The following BBS2 variants were observed in gnomAD, a reference collection of about 807,000 sequenced individuals.
BBS2 encodes Bardet-Biedl syndrome 2.
In BBS2, 62 loss-of-function variants were observed where a neutral mutation model predicts 83.0. The observed-to-expected ratio is 0.75, with a 90% confidence interval of 0.61 to 0.92. BBS2 has a LOEUF of 0.92. Among genes scored for constraint, BBS2 ranks in the 40% least tolerant of loss-of-function variants. The probability of loss-of-function intolerance (pLI) is 0.00; values close to 1 mark genes in which losing one functional copy is unlikely to be tolerated. For synonymous variants in BBS2, 303 were observed against 326.1 expected (o/e 0.93, Z 0.76); for missense variants, 784 against 901.0 (o/e 0.87, Z 1.66).
chr16:56,483,540 A>G (rs1012900153), downstream of BBS2, among the ~76,000 whole-genome samples: 8 of 152,306 alleles, frequency 5.3e-5, no homozygotes, highest in African/African-American at 1.9e-4. Context: ...ATCCTTACAT[A>G]ATAAATGAAA....
intron 17 of BBS2, chr16:56,476,361 C>A: frequency 3.7e-6 from 2 of 537,662 alleles, no homozygotes; most frequent in Non-Finnish European, 3.1e-6. Flanking sequence ...TGATTGTCCT[C>A]AACCGAGACC....
intron 1 of BBS2, among the ~76,000 whole-genome samples, chr16:56,517,991 A>G (rs138956347): frequency 0.011 from 1,615 of 151,966 alleles, 31 homozygotes; most frequent in African/African-American, 0.036. Flanking sequence ...TAATTTTTGT[A>G]TTTTTAGTAG....
chr16:56,498,585 A>G lies in BBS2; in HGVS notation c.1528-17T>C, dbSNP rs371950504. The G allele has an allele frequency of 6.2e-7, 1 of 1,613,960 alleles. No homozygotes were observed. Among genetic ancestry groups the G allele is most frequent in the Non-Finnish European group, 8.5e-7 (1 of 1,179,980 alleles). On this transcript the variant is annotated splice_polypyrimidine_tract_variant and intron_variant, in intron 12 of 16. Coordinates refer to ENST00000245157, the MANE Select transcript of BBS2 (RefSeq NM_031885.5). The stretch of plus-strand genomic sequence containing the variant: ...TACAACAACCTTGAAAATGAACACA[A>G]TGAAATGACCTCCATTTTTAAGGTA...
At chr16:56,501,281 CAA>C (rs150693766) in intron 10 of BBS2, 70 bp downstream of exon 10, 5,835 of 1,298,296 alleles carry the variant, frequency 4.5e-3, no homozygotes, top group Non-Finnish European at 5.0e-3. Flanking sequence ...GACTCTGTCT[CAA>C]AAAAAAAAAA....
intron 17 of BBS2, among the ~76,000 whole-genome samples, chr16:56,471,238 T>C (rs1400643424): frequency 6.6e-6 from 1 of 151,490 alleles, no homozygotes; most frequent in Non-Finnish European, 1.5e-5. Context: ...GGTGAACGCC[T>C]GTAATCCAAG....
At chr16:56,506,277 T>C (rs1028657823) in intron 5 of BBS2, 53 bp from the exon 6 acceptor site, 7 of 1,381,908 alleles carry the variant, frequency 5.1e-6, no homozygotes, top group Non-Finnish European at 7.2e-6. Context: ...CTCAGTTTAC[T>C]GTCAAGTACG....
intron 1 of BBS2, among the ~76,000 whole-genome samples, chr16:56,518,364 T>C (rs901552569): frequency 1.3e-5 from 2 of 152,340 alleles, no homozygotes; most frequent in African/African-American, 2.4e-5. Flanking sequence ...CACTTTCTAG[T>C]TGAGTGGCTC....
downstream of BBS2, among the ~76,000 whole-genome samples, chr16:56,482,754 C>A (rs1410070637): frequency 1.3e-5 from 2 of 152,104 alleles, no homozygotes; most frequent in Non-Finnish European, 1.5e-5. Context: ...CTGAAATCTA[C>A]GTTAGGGCGA....
In BBS2 at chr16:56,484,842, G is replaced by A. The variant is rs1176306793; in HGVS notation, c.2085C>T (p.Ile695=). 2 of 1,614,008 alleles carry A rather than the reference G, an allele frequency of 1.2e-6. No individual in the cohort carries two copies. The highest frequency in any genetic ancestry group is 1.7e-6 in the Non-Finnish European group (2 of 1,179,916). Residue 695 remains isoleucine (I), a synonymous_variant, in exon 17 of 17, where the codon ATC becomes ATT. Transcript: ENST00000245157. ...LRVGKPKNQV[I]TACRDAIRSN... ...TTCGAATTGCATCCCGACAAGCAGT[G>A]ATCACCTGGTTCTTTGGTTTTCCAA... is the stretch of plus-strand genomic sequence containing the variant.
Position 56,501,371 on chromosome 16 carries a change from G to GT in BBS2, c.1206dup (p.Arg403ThrfsTer6), listed in dbSNP as rs1964267396. The GT allele has an allele frequency of 1.9e-6, 3 of 1,614,010 alleles. No individual in the cohort carries two copies. Among genetic ancestry groups the GT allele is most frequent in the South Asian group, 1.1e-5 (1 of 91,068 alleles). On this transcript the variant is annotated frameshift_variant, in exon 10 of 17. Coordinates refer to ENST00000245157, the MANE Select transcript of BBS2 (RefSeq NM_031885.5). LOFTEE classifies it high-confidence loss of function. ...GTCTTACCATTAGAAGTGGAAATGC[G>GT]TAATTCTGTATGAGCAGTTTGGGTC...
intron 17 of BBS2, among the ~76,000 whole-genome samples, chr16:56,473,258 T>G (rs1280338843): frequency 2.6e-5 from 4 of 152,196 alleles, no homozygotes; most frequent in African/African-American, 9.7e-5. Context: ...GTATCTGCTT[T>G]CCAACATTGC....
At chr16:56,503,035 C>T (rs1392698531) in intron 7 of BBS2, among the ~76,000 whole-genome samples, 1 of 152,160 alleles carries the variant, frequency 6.6e-6, no homozygotes, top group Non-Finnish European at 1.5e-5. Context: ...AGCTGTTTTT[C>T]ATAGGCCTTC....
chr16:56,488,950 A>G (rs1367651659), intron 15 of BBS2, among the ~76,000 whole-genome samples: 1 of 152,166 alleles, frequency 6.6e-6, no homozygotes, highest in African/African-American at 2.4e-5. Context: ...AATGAAATTT[A>G]TATTTTCTTT....
chr16:56,519,305 T>C (rs1193022161), intron 1 of BBS2, among the ~76,000 whole-genome samples: 2 of 122,322 alleles, frequency 1.6e-5, no homozygotes, highest in Admixed American at 9.9e-5. Context: ...CACTCCAGCC[T>C]GGGCGACAGG....
In BBS2 at chr16:56,500,954, T is replaced by C. The variant is rs752065274; in HGVS notation, c.1297A>G (p.Ser433Gly). 8 of 1,614,030 alleles carry C rather than the reference T, an allele frequency of 5.0e-6. No homozygotes were observed. Among genetic ancestry groups the C allele is most frequent in the Non-Finnish European group, 6.8e-6 (8 of 1,180,008 alleles). Residue 433 changes from serine (S) to glycine (G), a missense_variant, in exon 11 of 17, where the codon AGC becomes GGC. Transcript: ENST00000245157. ...ATGGAACTGGAGAGGTTGTGAATGC[T>C]GGGATGTACCACGTGGCTTTCACCT... Reference protein sequence around the residue: ...FTGESHVVHPSIHNLSSSICI... With the variant: ...FTGESHVVHPGIHNLSSSICI...
chr16:56,499,725 T>C, intron 12 of BBS2, 53 bp downstream of exon 12: 1 of 1,610,208 alleles, frequency 6.2e-7, no homozygotes, highest in East Asian at 2.2e-5. Flanking sequence ...TGAAATAACA[T>C]CTAAAGGATT....
chr16:56,510,413 G>A (rs1163234496), intron 4 of BBS2, among the ~76,000 whole-genome samples: 5 of 152,194 alleles, frequency 3.3e-5, no homozygotes, highest in East Asian at 3.9e-4. Context: ...AACACAGCAC[G>A]TCACACCTAC....
At chr16:56,491,604 C>T (rs2144113801) in intron 15 of BBS2, among the ~76,000 whole-genome samples, 2 of 151,586 alleles carry the variant, frequency 1.3e-5, no homozygotes, top group South Asian at 4.2e-4. Context: ...TGGACTACAA[C>T]AGTACCTGAT....
At chr16:56,513,813 G>A (rs573582257) in intron 2 of BBS2, among the ~76,000 whole-genome samples, 157 of 152,270 alleles carry the variant, frequency 1.0e-3, no homozygotes, top group Middle Eastern at 6.8e-3. Context: ...CCACTGAATT[G>A]TATACTTTAA....
Sources: allele counts gnomAD v4.1 joint callset (sites outside exome capture counted in the v4.1 genomes callset), GRCh38; gene constraint gnomAD v4.1.1; transcripts MANE v1.5; gene names NCBI Gene and HGNC (gene_info 2026-07-23, HGNC 2026-07-21).